Variants in LTBP1 observed in about 807,000 individuals in gnomAD.
The protein encoded by LTBP1 is latent transforming growth factor beta binding protein 1, also known as latent-transforming growth factor beta-binding protein 1.
Under a neutral mutation model 207.6 loss-of-function variants are expected in LTBP1, and 129 were observed. The ratio of observed to expected loss-of-function variants is 0.62; its 90% CI spans 0.54 to 0.72. The LOEUF is 0.72. LTBP1 is among the 30% of genes least tolerant of loss of function. The pLI is 0.00. For synonymous variants in LTBP1, 963 were observed against 833.7 expected, an observed-to-expected ratio of 1.16 and a Z score of -2.67; for missense variants, 2,281 against 2,217.2, an observed-to-expected ratio of 1.03 and a Z score of -0.58.
chr2:33,317,448 C>A (rs376014179), intron 24 of LTBP1, among the ~76,000 whole-genome samples: 19 of 152,228 alleles, frequency 1.2e-4, no homozygotes, highest in Middle Eastern at 3.4e-3. Flanking sequence ...TGGGCTTAAT[C>A]CAATATTCTA....
Position 33,262,775 on chromosome 2 carries a change from G to C in LTBP1, c.2472G>C (p.Gln824His). Residue 824 changes from glutamine to histidine, a missense_variant, in exon 14 of 34, where the codon CAG becomes CAC. By Grantham distance (24) the Gln-to-His change is conservative. This residue lies in a region of LTBP1 where 1,671 missense variants were observed against 1,634.8 expected (regional missense o/e 1.02). Coordinates refer to ENST00000404816, the MANE Select transcript of LTBP1 (RefSeq NM_206943.4). ...CCAAACTTGAGCCTGGTCAACCCCA[G>C]CTGTCTCCAGGCATTTCCACTATTC... The part of the protein sequence containing the change: ...EKTKLEPGQP[Q>H]LSPGISTIHL... 1.2e-6 allele frequency: 2 copies of C among 1,606,698 alleles called. No homozygotes were observed. Among genetic ancestry groups the C allele is most frequent in the African/African-American group, 1.3e-5 (1 of 74,680 alleles).
At chr2:32,999,396 G>GAAGTACACCTGAGTGACTTTATTA (rs1290241658) in intron 2 of LTBP1, among the ~76,000 whole-genome samples, 2 of 80,762 alleles carry the variant, frequency 2.5e-5, no homozygotes, top group African/African-American at 3.7e-5. Flanking sequence ...GCGAGGCCTA[G>GAAGTACACCTGAGTGACTTTATTA]ACATGGTGTG....
intron 24 of LTBP1, among the ~76,000 whole-genome samples, chr2:33,341,481 G>T (rs2094619586): frequency 6.6e-6 from 1 of 151,948 alleles, no homozygotes; most frequent in South Asian, 2.1e-4. Flanking sequence ...GAAGGCCGAG[G>T]CGGGCAGATC....
rs2081996254 is a variant in LTBP1 at position 33,134,426 on chromosome 2, G to A, written c.1034-367G>A. On this transcript the variant is annotated intron_variant, in intron 4 of 33. Coordinates refer to ENST00000404816, the MANE Select transcript of LTBP1 (RefSeq NM_206943.4). This position sits in a 1 kb window ranked among gnomAD's most constrained non-coding sequence, Gnocchi z 4.4. ...CGGCCAACCCCTTTGCATTACATCTGCCTGTCAGGGTTGGCTCTTTAATCT... is the reference window on the plus strand; with the variant it reads ...CGGCCAACCCCTTTGCATTACATCTACCTGTCAGGGTTGGCTCTTTAATCT... 1.6e-6 allele frequency: 1 copy of A among 611,594 alleles called. No homozygotes were observed. Among genetic ancestry groups the A allele is most frequent in the Admixed American group, 2.3e-5 (1 of 43,856 alleles). The allele number at this position is 611,594 out of a possible 1,614,324, so 37.9% of individuals were successfully genotyped here. A position where few individuals can be genotyped will look rare whatever the true frequency, so the allele number is the denominator to read the frequency against.
At chr2:33,098,044 A>G (rs374410122) in intron 3 of LTBP1, among the ~76,000 whole-genome samples, 143 of 152,322 alleles carry the variant, frequency 9.4e-4, no homozygotes, top group African/African-American at 3.3e-3. Flanking sequence ...AAAGTCTGTT[A>G]CAATTCTTGT....
rs1484909951 is a variant in LTBP1 at position 33,250,466 on chromosome 2, C to T, written c.2000-2211C>T. Among the ~76,000 whole-genome samples, 3 of 152,116 alleles carry T rather than the reference C, an allele frequency of 2.0e-5. No individual in the cohort carries two copies. The East Asian group carries it at 5.8e-4, about 29-fold the overall frequency. ...ACACTGAGGTTTAACAGAGAAGTCA[C>T]AGGAAACACCTAAGGCAGGGAAGGA... On this transcript the variant is annotated intron_variant, in intron 10 of 33. Transcript: ENST00000404816.
chr2:33,201,516 A>G (rs1328299095), intron 7 of LTBP1, among the ~76,000 whole-genome samples: 1 of 152,194 alleles, frequency 6.6e-6, no homozygotes, highest in East Asian at 1.9e-4. Flanking sequence ...ATTAGGAGAT[A>G]TACCTAATGC....
intron 9 of LTBP1, among the ~76,000 whole-genome samples, chr2:33,241,666 T>C (rs1031764905): frequency 2.0e-5 from 3 of 152,200 alleles, no homozygotes; most frequent in African/African-American, 7.2e-5. Flanking sequence ...ATGCTAATAA[T>C]CATACCCTAG....
intron 25 of LTBP1, among the ~76,000 whole-genome samples, chr2:33,345,710 T>G (rs2094692808): frequency 2.0e-5 from 3 of 152,232 alleles, no homozygotes; most frequent in Admixed American, 2.0e-4. Context: ...TGTATAAGCT[T>G]TTTGTCCAAT....
At chr2:33,247,486 GT>G (rs1253939254) in intron 10 of LTBP1, among the ~76,000 whole-genome samples, 8 of 152,160 alleles carry the variant, frequency 5.3e-5, no homozygotes, top group African/African-American at 1.9e-4. Context: ...TGAAAATAAA[GT>G]TTTATTGGAA....
At chr2:33,143,864 A>G (rs928575433) in intron 5 of LTBP1, among the ~76,000 whole-genome samples, 2 of 151,176 alleles carry the variant, frequency 1.3e-5, no homozygotes, top group Non-Finnish European at 2.9e-5. Context: ...AGCTTCAGGT[A>G]TATTGACTGG....
chr2:33,158,091 G>C (rs1388754907), intron 5 of LTBP1, among the ~76,000 whole-genome samples: 2 of 142,338 alleles, frequency 1.4e-5, no homozygotes, highest in African/African-American at 5.2e-5. Context: ...AGCCAAGATT[G>C]TGCCATTGCA....
At chr2:33,208,988 C>T (rs955651107) in intron 7 of LTBP1, among the ~76,000 whole-genome samples, 1 of 151,566 alleles carries the variant, frequency 6.6e-6, no homozygotes, top group African/African-American at 2.4e-5. Flanking sequence ...CTGCCTCAGC[C>T]TCCCAAGTAG....
chr2:33,139,100 C>T (rs1216322550), intron 5 of LTBP1, among the ~76,000 whole-genome samples: 9 of 151,896 alleles, frequency 5.9e-5, no homozygotes, highest in African/African-American at 1.2e-4. Context: ...CCTCGTGATC[C>T]GCCCGCCTCG....
intron 3 of LTBP1, among the ~76,000 whole-genome samples, chr2:33,091,694 G>C (rs2079101753): frequency 6.6e-6 from 1 of 152,128 alleles, no homozygotes; most frequent in Non-Finnish European, 1.5e-5. Context: ...CCCTGTACTT[G>C]GTGCCGAATC....
chr2:32,983,767 C>T (rs576498708), intron 2 of LTBP1, among the ~76,000 whole-genome samples: 6 of 152,192 alleles, frequency 3.9e-5, no homozygotes, highest in Admixed American at 2.0e-4. Flanking sequence ...CCTTTGCCCT[C>T]TGCCATGATT....
intron 3 of LTBP1, among the ~76,000 whole-genome samples, chr2:33,105,533 T>A (rs913696417): frequency 6.6e-6 from 1 of 151,762 alleles, no homozygotes; most frequent in Admixed American, 6.6e-5. Flanking sequence ...ACCTCCTGGG[T>A]TGAAGTGATT....
chr2:33,063,268 C>T (rs72793719), intron 3 of LTBP1, among the ~76,000 whole-genome samples: 14,782 of 151,644 alleles, frequency 0.097, 950 homozygotes, highest in Non-Finnish European at 0.14. Flanking sequence ...TGTCTTGAAT[C>T]TGGAACACCT....
intron 4 of LTBP1, among the ~76,000 whole-genome samples, chr2:33,114,474 G>A (rs1012764217): frequency 2.0e-5 from 3 of 152,026 alleles, no homozygotes; most frequent in African/African-American, 7.3e-5. Flanking sequence ...TCTAGATATC[G>A]GACCTGATTG....
Sources: allele counts gnomAD v4.1 joint callset (sites outside exome capture counted in the v4.1 genomes callset), GRCh38; gene constraint gnomAD v4.1.1; regional missense constraint gnomAD v4.1.1; non-coding constraint Gnocchi (gnomAD v3.1); transcripts MANE v1.5; gene names NCBI Gene and HGNC (gene_info 2026-07-23, HGNC 2026-07-21).